The following PCDHGA4 variants were observed in gnomAD, a reference collection of about 807,000 sequenced individuals.
PCDHGA4 encodes protocadherin gamma subfamily A, 4, also known as protocadherin gamma-A4.
Under a neutral mutation model 54.6 loss-of-function variants are expected in PCDHGA4, and 38 were observed. The observed-to-expected ratio is 0.70, with a 90% CI of 0.54 to 0.91. PCDHGA4 has a LOEUF of 0.91. PCDHGA4 is among the 40% of genes least tolerant of loss of function. The probability of loss-of-function intolerance (pLI) is 0.00; values close to 1 mark genes in which losing one functional copy is unlikely to be tolerated. For missense variants in PCDHGA4, 1,298 were observed against 1,220.9 expected, an observed-to-expected ratio of 1.06 and a Z score of -0.94; for synonymous variants, 511 against 512.9, an observed-to-expected ratio of 1.00 and a Z score of 0.05.
intron 1 of PCDHGA4, chr5:141,362,033 G>A (rs1762293611): frequency 6.2e-7 from 1 of 1,609,476 alleles, no homozygotes; most frequent in Non-Finnish European, 8.5e-7. Flanking sequence ...CGTGCCTTGG[G>A]CGACAGGGAC....
At chr5:141,494,355 G>T (rs910437011) in intron 1 of PCDHGA4, among the ~76,000 whole-genome samples, 4 of 152,234 alleles carry the variant, frequency 2.6e-5, no homozygotes, top group African/African-American at 9.6e-5. Flanking sequence ...CCATCTTGCT[G>T]CAGAGGATGC....
chr5:141,383,620 G>C, intron 1 of PCDHGA4: 1 of 1,613,872 alleles, frequency 6.2e-7, no homozygotes, highest in Middle Eastern at 1.6e-4. Flanking sequence ...CCACACGCCT[G>C]TCTTCTCTCT....
In PCDHGA4 at chr5:141,356,496, G is replaced by A. The variant is rs1760240782; in HGVS notation, c.1389G>A (p.Leu463=). The change falls in exon 1 of 4, where the codon CTG becomes CTA. Residue 463 remains leucine (L), a synonymous_variant. Transcript: ENST00000571252. ...CCACTGACCAGGGAACTCCTCCACTGTCTACAGAAACTCATATTTCACTGC... is the reference window on the plus strand; with the variant it reads ...CCACTGACCAGGGAACTCCTCCACTATCTACAGAAACTCATATTTCACTGC... ...VTATDQGTPP[L]STETHISLQV... 1 of 1,613,960 alleles carries A rather than the reference G, an allele frequency of 6.2e-7. No individual in the cohort carries two copies. Among genetic ancestry groups the A allele is most frequent in the Non-Finnish European group, 8.5e-7 (1 of 1,179,880 alleles).
chr5:141,355,466 G>GTAT lies in PCDHGA4; in HGVS notation c.359_360insTAT (p.Arg120delinsSerMet), dbSNP rs767658844. 7.4e-6 allele frequency: 12 copies of GTAT among 1,613,976 alleles called. No homozygotes were observed. The highest frequency in any genetic ancestry group is 1.0e-5 in the Non-Finnish European group (12 of 1,179,920). ...AGCGGCACCTTGGTCACCGCGGGTA[G>GTAT]GATAGACAGGGAGGAGCTCTGCGAC... On this transcript the variant is annotated protein_altering_variant, in exon 1 of 4. Transcript: ENST00000571252.
At position 141,356,053 on chromosome 5, in the gene PCDHGA4, A is replaced by G. The variant is rs1221177525; in HGVS notation, c.946A>G (p.Arg316Gly). The G allele has an allele frequency of 6.2e-7, 1 of 1,613,968 alleles. No homozygotes were observed. Among genetic ancestry groups the G allele is most frequent in the Non-Finnish European group, 8.5e-7 (1 of 1,179,884 alleles). ...GDVTYSFRKV[R>G]DKISQLFQLN... The stretch of plus-strand genomic sequence containing the variant: ...CGTGACGTATTCTTTCCGGAAAGTA[A>G]GAGACAAAATATCACAGCTATTTCA... The change falls in exon 1 of 4, where the codon AGA becomes GGA. Residue 316 changes from arginine (R) to glycine (G), a missense_variant. Physicochemically the swap from Arg to Gly is moderately radical, Grantham distance 125. Transcript: ENST00000571252.
chr5:141,427,817 G>A, intron 1 of PCDHGA4: 2 of 1,528,134 alleles, frequency 1.3e-6, no homozygotes, highest in Non-Finnish European at 1.8e-6. Flanking sequence ...AGAGCGGGGT[G>A]GTGGTCGCGC....
chr5:141,389,135 T>C (rs547733890), intron 1 of PCDHGA4: 2 of 1,613,982 alleles, frequency 1.2e-6, no homozygotes, highest in Admixed American at 1.7e-5. Context: ...CAGAGTACAA[T>C]ATAACCGTTA....
rs758879836 is a variant in PCDHGA4 at position 141,400,006 on chromosome 5, G to A, written c.2514+42385G>A. 3 of 1,612,536 alleles carry A rather than the reference G, an allele frequency of 1.9e-6. No homozygotes were observed. The South Asian group carries it at 3.3e-5, about 18-fold the overall frequency. On this transcript the variant is annotated intron_variant, in intron 1 of 3. Coordinates refer to ENST00000571252, the MANE Select transcript of PCDHGA4 (RefSeq NM_018917.4). ...CACAGGAGAGGTGCGCACAGCGCGT[G>A]CCTTGGGCGACAGGGACGCGGCCCG...
Position 141,394,271 on chromosome 5 carries a change from G to C in PCDHGA4, c.2514+36650G>C, listed in dbSNP as rs768847661. The stretch of plus-strand genomic sequence containing the variant: ...ACCCCGACAGCCAGGAGAATGCCCA[G>C]GTCACTTACTCTGTGACCGAGGACA... On this transcript the variant is annotated intron_variant, in intron 1 of 3. Transcript: ENST00000571252. 9 of 1,613,862 alleles carry C rather than the reference G, an allele frequency of 5.6e-6. No individual in the cohort carries two copies. In the South Asian group the frequency reaches 9.9e-5, roughly 18 times the overall value.
chr5:141,444,329 G>T (rs536314842), intron 1 of PCDHGA4, among the ~76,000 whole-genome samples: 1 of 151,792 alleles, frequency 6.6e-6, no homozygotes, highest in Admixed American at 6.6e-5. Context: ...GTGCCACCAC[G>T]CCCAGCTAAT....
chr5:141,374,563 T>G, intron 1 of PCDHGA4: 1 of 1,613,710 alleles, frequency 6.2e-7, no homozygotes, highest in South Asian at 1.1e-5. Context: ...TCTATGACCC[T>G]GATGTGGGAA....
rs376996144 is a variant in PCDHGA4, at chr5:141,491,534, G to C, written c.2515-3273G>C. 3.7e-6 allele frequency: 6 copies of C among 1,613,912 alleles called. No homozygotes were observed. The highest frequency in any genetic ancestry group is 1.3e-5 in the African/African-American group (1 of 74,928). ...CTCAAGTACATGGAGGTGACGCTGC[G>C]GCCCACAGACTCGCAGAGCCACTGC... On this transcript the variant is annotated intron_variant, in intron 1 of 3. Coordinates refer to ENST00000571252, the MANE Select transcript of PCDHGA4 (RefSeq NM_018917.4). This position sits in a 1 kb window ranked among gnomAD's most constrained non-coding sequence, Gnocchi z 6.9.
intron 1 of PCDHGA4, among the ~76,000 whole-genome samples, chr5:141,358,290 T>G (rs528714629): frequency 2.0e-5 from 3 of 152,376 alleles, no homozygotes; most frequent in Admixed American, 1.3e-4. Context: ...AAGGCAATTG[T>G]GTAAATTCAC....
chr5:141,392,775 A>C (rs777775450), intron 1 of PCDHGA4: 1 of 1,524,280 alleles, frequency 6.6e-7, no homozygotes, highest in South Asian at 1.3e-5. Context: ...CCATTTATGC[A>C]CAGTGAAGAT....
chr5:141,430,276 G>C (rs2097271928), intron 1 of PCDHGA4, among the ~76,000 whole-genome samples: 1 of 151,720 alleles, frequency 6.6e-6, no homozygotes, highest in South Asian at 2.1e-4. Context: ...TGTGTTGGGG[G>C]AACAGTAATC....
chr5:141,375,414 A>G lies in PCDHGA4; in HGVS notation c.2514+17793A>G, dbSNP rs752900319. The stretch of plus-strand genomic sequence containing the variant: ...ACAATCATCTCTCTAAATGTGGCAG[A>G]CACCAACGACAACCCGCCCACCTTC... On this transcript the variant is annotated intron_variant, in intron 1 of 3. Transcript: ENST00000571252. 21 of 1,613,866 alleles carry G rather than the reference A, an allele frequency of 1.3e-5. No homozygotes were observed. In the South Asian group the frequency reaches 1.6e-4, roughly 13 times the overall value.
At chr5:141,394,290 G>C (rs759077173) in intron 1 of PCDHGA4, 5 of 1,613,918 alleles carry the variant, frequency 3.1e-6, no homozygotes, top group Admixed American at 1.7e-5. Context: ...CTCTGTGACC[G>C]AGGACACGCT....
rs1342087495 is a variant in PCDHGA4 at position 141,365,076 on chromosome 5, T to C, written c.2514+7455T>C. 1.9e-6 allele frequency: 3 copies of C among 1,613,740 alleles called. No individual in the cohort carries two copies. In the African/African-American group the frequency reaches 4.0e-5, roughly 22 times the overall value. On this transcript the variant is annotated intron_variant, in intron 1 of 3. Transcript: ENST00000571252. ...CTGTTCACCCCATCCGAGTACAGCG[T>C]GAGTGTTCCAGAGAACATACCTGTG...
Position 141,476,110 on chromosome 5 carries a change from G to A in PCDHGA4, c.2515-18697G>A. ...GACCCCGCTGAGAGGAACTGCTTTT[G>A]AGTGAGATGGTCCCAGAGGCCTGGA... On this transcript the variant is annotated intron_variant, in intron 1 of 3. Transcript: ENST00000571252. The surrounding 1 kb of genome is among the most constrained non-coding windows in gnomAD (Gnocchi z 7.6). 1.9e-6 allele frequency: 3 copies of A among 1,589,382 alleles called. No homozygotes were observed. The highest frequency in any genetic ancestry group is 2.6e-6 in the Non-Finnish European group (3 of 1,170,364).
Sources: gnomAD v4.1 joint callset for allele counts (sites outside exome capture counted in the v4.1 genomes callset) on GRCh38, gnomAD v4.1.1 for gene constraint, Gnocchi (gnomAD v3.1) non-coding constraint, MANE v1.5 for transcripts, NCBI Gene and HGNC (gene_info 2026-07-23, HGNC 2026-07-21) for gene names.